SNX3: variants seen among roughly 807,000 people sequenced by gnomAD.
SNX3 encodes the protein sorting nexin-3.
Under a neutral mutation model 17.7 loss-of-function variants are expected in SNX3, and 5 were observed. That is an observed-to-expected ratio of 0.28 (90% CI 0.15 to 0.59). SNX3 has a LOEUF of 0.59. Ranked by LOEUF, SNX3 falls within the 20% of genes least tolerant of loss-of-function variation. SNX3 has a pLI of 0.88. For missense variants in SNX3, 132 were observed against 206.8 expected (o/e 0.64, Z 2.22); for synonymous variants, 91 against 76.5 (o/e 1.19, Z -0.99).
At chr6:108,249,267 CA>C (rs1210697055) in intron 1 of SNX3, among the ~76,000 whole-genome samples, 1 of 151,854 alleles carries the variant, frequency 6.6e-6, no homozygotes, top group Non-Finnish European at 1.5e-5. Flanking sequence ...ATTAATTATA[CA>C]AAAATTAGCT....
intron 1 of SNX3, among the ~76,000 whole-genome samples, chr6:108,248,783 C>A (rs528260929): frequency 2.0e-5 from 3 of 150,832 alleles, no homozygotes; most frequent in African/African-American, 7.3e-5. Flanking sequence ...TTTTTTGAGA[C>A]GGGGTCTCAC....
intron 1 of SNX3, 60 bp from the exon 2 acceptor site, chr6:108,223,105 G>A (rs1774855852): frequency 1.2e-6 from 1 of 846,782 alleles, no homozygotes; most frequent in Non-Finnish European, 1.9e-6. Flanking sequence ...AAAAAAATGG[G>A]GGGACGGGTA....
At position 108,236,384 on chromosome 6, in the gene SNX3, T is replaced by TA. The variant is rs1390557051; in HGVS notation, c.163-13340_163-13339insT. On this transcript the variant is annotated intron_variant, in intron 1 of 3. Coordinates refer to ENST00000230085, the MANE Select transcript of SNX3 (RefSeq NM_003795.6). Reference sequence around the variant, plus strand: ...CACCTATATTATTATTATTATTTTTTTTTTTTTTTTTTTTTTTGAGACGGA... The same window carrying TA: ...CACCTATATTATTATTATTATTTTTTATTTTTTTTTTTTTTTTTGAGACGGA... Among the ~76,000 whole-genome samples, 320 of 109,928 alleles carry TA rather than the reference T, an allele frequency of 2.9e-3. 1 individual carries two copies. Among genetic ancestry groups the TA allele is most frequent in the Non-Finnish European group, 4.1e-3 (241 of 58,448 alleles). 72.1% of individuals were successfully genotyped at this position (109,928 alleles called of 152,430 possible).
At position 108,214,472 on chromosome 6, in the gene SNX3, C is replaced by T. The variant is rs187307619; in HGVS notation, c.383+26G>A. 4.0e-5 allele frequency: 64 copies of T among 1,609,316 alleles called. No homozygotes were observed. In the Admixed American group the frequency reaches 9.8e-4, roughly 25 times the overall value. ...CAAGTAGTCACTTAAAGTAGTCCTA[C>T]ACTTTGAGGAATAGGAAGCACTTAC... On this transcript the variant is annotated intron_variant, in intron 3 of 3. Coordinates refer to ENST00000230085, the MANE Select transcript of SNX3 (RefSeq NM_003795.6).
intron 1 of SNX3, among the ~76,000 whole-genome samples, chr6:108,229,151 T>C (rs1273829112): frequency 6.7e-6 from 1 of 150,240 alleles, no homozygotes; most frequent in African/African-American, 2.5e-5. Flanking sequence ...TTCCTGCTAC[T>C]CCGGAGGCTA....
chr6:108,236,506 CCCGAGTAGCTGGGA>C (rs1775342865), intron 1 of SNX3, among the ~76,000 whole-genome samples: 1 of 150,160 alleles, frequency 6.7e-6, no homozygotes, highest in Non-Finnish European at 1.5e-5. Flanking sequence ...GCCTCAGCCT[CCCGAGTAGCTGGGA>C]CTACAGGCGC....
At chr6:108,255,089 C>T (rs557778459) in intron 1 of SNX3, among the ~76,000 whole-genome samples, 1 of 152,334 alleles carries the variant, frequency 6.6e-6, no homozygotes, top group African/African-American at 2.4e-5. Context: ...CTTAACAGAA[C>T]AGAATCCCTA....
intron 1 of SNX3, among the ~76,000 whole-genome samples, chr6:108,250,114 T>C (rs1383304655): frequency 1.3e-5 from 2 of 152,180 alleles, no homozygotes; most frequent in Non-Finnish European, 2.9e-5. Context: ...TTTTGCCATG[T>C]TGGTCAGGCT....
chr6:108,255,744 C>A (rs566135559), intron 1 of SNX3, among the ~76,000 whole-genome samples: 1 of 152,242 alleles, frequency 6.6e-6, no homozygotes, highest in East Asian at 1.9e-4. Flanking sequence ...AAATTTATTT[C>A]TCAGCTTCCA....
intron 1 of SNX3, among the ~76,000 whole-genome samples, chr6:108,234,491 C>T (rs1350394669): frequency 6.6e-6 from 1 of 151,912 alleles, no homozygotes; most frequent in Non-Finnish European, 1.5e-5. Flanking sequence ...GCGGAGGTTG[C>T]GGTGAGCCAA....
chr6:108,239,917 TTAAGAG>T (rs1562433125), intron 1 of SNX3, among the ~76,000 whole-genome samples: 1 of 152,094 alleles, frequency 6.6e-6, no homozygotes, highest in Non-Finnish European at 1.5e-5. Flanking sequence ...CACCTATAAA[TTAAGAG>T]TAAAAGCATA....
At chr6:108,228,847 A>G (rs530022788) in intron 1 of SNX3, among the ~76,000 whole-genome samples, 1 of 152,146 alleles carries the variant, frequency 6.6e-6, no homozygotes, top group South Asian at 2.1e-4. Context: ...CACAAAAAAA[A>G]ACCCCAAAAA....
intron 1 of SNX3, among the ~76,000 whole-genome samples, chr6:108,251,755 G>A (rs1032241454): frequency 5.9e-5 from 9 of 152,132 alleles, no homozygotes; most frequent in African/African-American, 2.2e-4. Flanking sequence ...CAAATTCCTA[G>A]GTTGTCAGTT....
At chr6:108,245,526 G>A (rs1775661065) in intron 1 of SNX3, among the ~76,000 whole-genome samples, 1 of 152,166 alleles carries the variant, frequency 6.6e-6, no homozygotes, top group African/African-American at 2.4e-5. Context: ...TTGAGGAAAT[G>A]CCACACTGTC....
intron 1 of SNX3, among the ~76,000 whole-genome samples, chr6:108,255,334 C>T (rs542379672): frequency 4.6e-5 from 7 of 152,224 alleles, no homozygotes; most frequent in East Asian, 1.9e-4. Flanking sequence ...CATCAAAATG[C>T]CCTGATTTTT....
At chr6:108,226,046 C>CA (rs35559458) in intron 1 of SNX3, among the ~76,000 whole-genome samples, 12,869 of 62,026 alleles carry the variant, frequency 0.21, 1,276 homozygotes, top group Middle Eastern at 0.31. Flanking sequence ...CCCTCTCTCT[C>CA]AAAAAAAAAA....
At chr6:108,218,777 C>T (rs1008639798) in intron 2 of SNX3, among the ~76,000 whole-genome samples, 2 of 152,194 alleles carry the variant, frequency 1.3e-5, no homozygotes, top group African/African-American at 4.8e-5. Flanking sequence ...ATATTGTGGG[C>T]TTCCATTTAC....
At position 108,256,373 on chromosome 6, in the gene SNX3, A is replaced by G. The variant is rs916608662; in HGVS notation, c.162+4387T>C. Among the ~76,000 whole-genome samples the G allele has an allele frequency of 6.6e-5, 10 of 152,250 alleles. No individual in the cohort carries two copies. In the East Asian group the frequency reaches 1.9e-3, roughly 29 times the overall value. ...GAAAATCTAACAATTTTAGTAACTCAACTAAACATTAACACACAGAAAATG... is the reference window on the plus strand; with the variant it reads ...GAAAATCTAACAATTTTAGTAACTCGACTAAACATTAACACACAGAAAATG... On this transcript the variant is annotated intron_variant, in intron 1 of 3. Coordinates refer to ENST00000230085, the MANE Select transcript of SNX3 (RefSeq NM_003795.6).
intron 2 of SNX3, among the ~76,000 whole-genome samples, chr6:108,218,321 CA>C (rs1467986814): frequency 1.3e-5 from 2 of 152,074 alleles, no homozygotes; most frequent in Non-Finnish European, 2.9e-5. Flanking sequence ...AAATAAAAAT[CA>C]AAACCACAAT....
Sources: allele counts gnomAD v4.1 joint callset (sites outside exome capture counted in the v4.1 genomes callset), GRCh38; gene constraint gnomAD v4.1.1; transcripts MANE v1.5; gene names NCBI Gene and HGNC (gene_info 2026-07-23, HGNC 2026-07-21).